The following ANKRD30A variants were observed in gnomAD, a reference collection of about 807,000 sequenced individuals.
ANKRD30A encodes ankyrin repeat domain 30A.
ANKRD30A carries 170 observed loss-of-function variants against 166.3 expected under a neutral mutation model. That is an observed-to-expected ratio of 1.02 (90% confidence interval 0.90 to 1.16). ANKRD30A has a LOEUF of 1.16. ANKRD30A is among the 50% of genes most tolerant of loss of function. The pLI is 0.00. For missense variants in ANKRD30A, 1,630 were observed against 1,518.0 expected, an observed-to-expected ratio of 1.07 and a Z score of -1.23; for synonymous variants, 564 against 508.9, an observed-to-expected ratio of 1.11 and a Z score of -1.46.
chr10:37,193,892 C>T (rs1326960424), intron 27 of ANKRD30A, among the ~76,000 whole-genome samples: 3 of 152,126 alleles, frequency 2.0e-5, no homozygotes, highest in Admixed American at 6.5e-5. Flanking sequence ...TTCCCGTGAA[C>T]GTTTACAACA....
chr10:37,260,945 T>C, the ANKRD30A span, among the ~76,000 whole-genome samples: 1 of 152,202 alleles, frequency 6.6e-6, no homozygotes. Context: ...TTGTGTGCTA[T>C]GCTCACTACC....
the ANKRD30A span, among the ~76,000 whole-genome samples, chr10:37,247,924 G>A: frequency 1.3e-5 from 2 of 151,070 alleles, no homozygotes; most frequent in Non-Finnish European, 1.5e-5. Context: ...GAATACTTAG[G>A]CTTAATACCT....
At chr10:37,139,796 CTATT>C (rs1335136001) in intron 6 of ANKRD30A, among the ~76,000 whole-genome samples, 4 of 152,128 alleles carry the variant, frequency 2.6e-5, no homozygotes, top group East Asian at 1.9e-4. Context: ...CCTCTGGTCT[CTATT>C]TAATTTTTAC....
chr10:37,152,314 T>G (rs1838011216), intron 12 of ANKRD30A, among the ~76,000 whole-genome samples, 193 bp downstream of exon 12: 1 of 152,098 alleles, frequency 6.6e-6, no homozygotes, highest in Non-Finnish European at 1.5e-5. Flanking sequence ...TTCTGGGAAT[T>G]TGTACGATTA....
At chr10:37,132,605 T>A (rs1364452998) in intron 4 of ANKRD30A, among the ~76,000 whole-genome samples, 3 of 152,212 alleles carry the variant, frequency 2.0e-5, no homozygotes, top group African/African-American at 7.2e-5. Flanking sequence ...AGTGGTTCTG[T>A]ATTAGTTTTA....
intron 35 of ANKRD30A, 45 bp downstream of exon 35, chr10:37,231,725 G>A: frequency 3.6e-6 from 1 of 277,004 alleles, no homozygotes; most frequent in Non-Finnish European, 6.7e-6. Context: ...GATTTCTGAT[G>A]CAATTCTTGT....
chr10:37,202,440 G>A lies in ANKRD30A; in HGVS notation c.2869+1115G>A, dbSNP rs145485641. Among the ~76,000 whole-genome samples the A allele has an allele frequency of 3.6e-3, 549 of 152,260 alleles. 3 individuals are homozygous for A. The highest frequency in any genetic ancestry group is 0.013 in the African/African-American group (542 of 41,548). On this transcript the variant is annotated intron_variant, in intron 31 of 35. Transcript: ENST00000361713. ...AATAAATATGTTCTTTGAAACCGAT[G>A]AGAACAAAGGCACCACATACCAGAA...
intron 31 of ANKRD30A, among the ~76,000 whole-genome samples, chr10:37,206,675 A>T (rs1214784174): frequency 6.6e-6 from 1 of 151,848 alleles, no homozygotes; most frequent in African/African-American, 2.4e-5. Flanking sequence ...ATGCCTGTAA[A>T]CCCAGCTACT....
chr10:37,127,298 A>C (rs1333294436), intron 1 of ANKRD30A, among the ~76,000 whole-genome samples: 2 of 152,052 alleles, frequency 1.3e-5, no homozygotes, highest in Non-Finnish European at 2.9e-5. Context: ...TGGAATATAG[A>C]TTAAAAGTTT....
intron 24 of ANKRD30A, among the ~76,000 whole-genome samples, chr10:37,178,891 A>T (rs569495276): frequency 2.3e-4 from 35 of 150,834 alleles, no homozygotes; most frequent in African/African-American, 8.0e-4. Context: ...AAGCATTTAG[A>T]AAAGTTTTAC....
intron 13 of ANKRD30A, among the ~76,000 whole-genome samples, chr10:37,155,753 GT>G (rs1255821771): frequency 6.6e-6 from 1 of 152,064 alleles, no homozygotes; most frequent in Non-Finnish European, 1.5e-5. Context: ...CAACTGTTTA[GT>G]TTTTGTTCAG....
At position 37,164,942 on chromosome 10, in the gene ANKRD30A, C is replaced by T. The variant is rs189371213; in HGVS notation, c.2003-152C>T. The T allele has an allele frequency of 4.2e-5, 31 of 743,236 alleles. No individual in the cohort carries two copies. The East Asian group carries it at 8.4e-4, about 20-fold the overall frequency. 46.0% of individuals were successfully genotyped at this position (743,236 alleles called of 1,614,324 possible). On this transcript the variant is annotated intron_variant, in intron 17 of 35. Transcript: ENST00000361713. The stretch of plus-strand genomic sequence containing the variant: ...TTAGATTTCAATTCTTTTGGAATGA[C>T]TATAGAAGTAGTCATTGTAATCAAC...
In ANKRD30A at chr10:37,216,198, A is replaced by G. The variant is rs1040549626; in HGVS notation, c.2887A>G (p.Lys963Glu). The G allele has an allele frequency of 1.2e-6, 2 of 1,600,938 alleles. No individual in the cohort carries two copies. Among genetic ancestry groups the G allele is most frequent in the African/African-American group, 1.3e-5 (1 of 74,110 alleles). Reference sequence around the variant, plus strand: ...TGAGACAGATTCAACTAGCCTATCAAAAATCTTGGATACAGTTCATTCTTG... The same window carrying G: ...TGAGACAGATTCAACTAGCCTATCAGAAATCTTGGATACAGTTCATTCTTG... ...GKLEDSTSLS[K>E]ILDTVHSCER... Residue 963 changes from lysine to glutamate, a missense_variant, in exon 32 of 36, where the codon AAA (lysine) becomes GAA (glutamate). This residue lies in a region of ANKRD30A where 712 missense variants were observed against 629.3 expected (regional missense o/e 1.13). Coordinates refer to ENST00000361713, the MANE Select transcript of ANKRD30A (RefSeq NM_052997.3).
In ANKRD30A at chr10:37,132,323, G is replaced by A. The variant is rs548603411; in HGVS notation, c.594G>A (p.Ala198=). 102 of 1,599,466 alleles carry A rather than the reference G, an allele frequency of 6.4e-5. No individual in the cohort carries two copies. In the African/African-American group the frequency reaches 7.1e-4, roughly 11 times the overall value. ...VEFLLIKNAN[A]NAVNKYKCTA... ...TTTTGCTGATAAAAAATGCAAATGC[G>A]AATGCAGTTAATAAGTATAAATGGT... Residue 198 remains alanine (A), a synonymous_variant, in exon 4 of 36, where the codon GCG becomes GCA. Transcript: ENST00000361713.
chr10:37,126,279 C>T (rs185634351), intron 1 of ANKRD30A, among the ~76,000 whole-genome samples: 85 of 152,350 alleles, frequency 5.6e-4, no homozygotes, highest in Non-Finnish European at 1.0e-3. Context: ...ACTCCCACTT[C>T]CTCTCACAGA....
At position 37,192,461 on chromosome 10, in the gene ANKRD30A, A is replaced by G. The variant is rs975605137; in HGVS notation, c.2513-603A>G. ...GAAAATACTCGTATTTCTCAGAGGT[A>G]CAAAAATGAATATATTTATTAACTT... is the stretch of plus-strand genomic sequence containing the variant. On this transcript the variant is annotated intron_variant, in intron 25 of 35. Transcript: ENST00000361713. Among the ~76,000 whole-genome samples the G allele has an allele frequency of 4.6e-5, 7 of 151,970 alleles. 1 individual carries two copies. Among genetic ancestry groups the G allele is most frequent in the Non-Finnish European group, 2.9e-5 (2 of 68,024 alleles).
rs1838821160 is a variant in ANKRD30A at position 37,161,091 on chromosome 10, A to G, written c.1901-1558A>G. Among the ~76,000 whole-genome samples, 3 of 152,158 alleles carry G rather than the reference A, an allele frequency of 2.0e-5. No individual in the cohort carries two copies. In the South Asian group the frequency reaches 6.2e-4, roughly 31 times the overall value. On this transcript the variant is annotated intron_variant, in intron 15 of 35. Transcript: ENST00000361713. The stretch of plus-strand genomic sequence containing the variant: ...ACAAGGCGAAACCCTGTCTCTACTA[A>G]AAATACAAAAAAATTAGTCGGACGT...
chr10:37,216,125 C>G, intron 31 of ANKRD30A, 56 bp from the exon 32 acceptor site: 3 of 1,260,422 alleles, frequency 2.4e-6, no homozygotes, highest in Non-Finnish European at 3.3e-6. Context: ...AAATATGCAG[C>G]CCTTTATATC....
intron 25 of ANKRD30A, among the ~76,000 whole-genome samples, chr10:37,192,830 A>G (rs544537912): frequency 1.3e-5 from 2 of 152,138 alleles, no homozygotes; most frequent in Non-Finnish European, 1.5e-5. Flanking sequence ...TATATTTTCA[A>G]TGTTGAAATC....
Sources: gnomAD v4.1 joint callset for allele counts (sites outside exome capture counted in the v4.1 genomes callset) on GRCh38, gnomAD v4.1.1 for gene constraint, gnomAD v4.1.1 regional missense constraint, MANE v1.5 for transcripts, NCBI Gene and HGNC (gene_info 2026-07-23, HGNC 2026-07-21) for gene names.